The following MTA3 variants were observed in gnomAD, a reference collection of about 807,000 sequenced individuals.
The protein encoded by MTA3 is metastasis associated 1 family member 3, also known as metastasis-associated protein MTA3.
A neutral mutation model predicts 83.5 loss-of-function variants in MTA3; 34 were observed. The ratio of observed to expected loss-of-function variants is 0.41; its 90% CI spans 0.31 to 0.54. The LOEUF (loss-of-function observed/expected upper bound fraction) is 0.54. Among genes scored for constraint, MTA3 ranks in the 20% least tolerant of loss-of-function variants. MTA3 has a pLI of 0.33. For synonymous variants in MTA3, 303 were observed against 252.7 expected, an observed-to-expected ratio of 1.20 and a Z score of -1.89; for missense variants, 761 against 726.4, an observed-to-expected ratio of 1.05 and a Z score of -0.55.
At chr2:42,673,866 C>G (rs1482999888) in intron 8 of MTA3, among the ~76,000 whole-genome samples, 1 of 152,208 alleles carries the variant, frequency 6.6e-6, no homozygotes, top group Non-Finnish European at 1.5e-5. Flanking sequence ...AGATCAGCAG[C>G]TGAGGACTGT....
intron 2 of MTA3, among the ~76,000 whole-genome samples, chr2:42,540,916 C>T (rs1676490365): frequency 6.6e-6 from 1 of 151,866 alleles, no homozygotes; most frequent in African/African-American, 2.4e-5. Flanking sequence ...GTAAACAATT[C>T]AATGCACGAA....
At chr2:42,599,171 C>T (rs549478469) in intron 3 of MTA3, among the ~76,000 whole-genome samples, 1 of 152,256 alleles carries the variant, frequency 6.6e-6, no homozygotes, top group African/African-American at 2.4e-5. Context: ...AGTGTTGCAT[C>T]GTGTCCATGT....
In MTA3 at chr2:42,719,019, T is replaced by C. The variant is rs202083368; in HGVS notation, c.1557T>C (p.Ser519=). 1.5e-5 allele frequency: 24 copies of C among 1,550,350 alleles called. No homozygotes were observed. The highest frequency in any genetic ancestry group is 3.9e-5 in the Admixed American group (2 of 50,988). ...ACAGACATGCTGAACTATCTGGAAG[T>C]CCACTGAAAAGCAAAAGCACTAGGA... ...YADRHAELSG[S]PLKSKSTRKP... is the part of the protein sequence containing the mutation. Residue 519 remains serine (S), a synonymous_variant, in exon 15 of 17, where the codon AGT becomes AGC. Coordinates refer to ENST00000405094, the MANE Select transcript of MTA3 (RefSeq NM_001330442.2).
intron 2 of MTA3, among the ~76,000 whole-genome samples, chr2:42,525,603 T>TTCCTTCC (rs368874061): frequency 7.3e-5 from 7 of 95,422 alleles, no homozygotes; most frequent in African/African-American, 2.7e-4. Context: ...CCTTCCTTCC[T>TTCCTTCC]TTCCTTCCTT....
At chr2:42,597,927 C>T (rs1573154881) in intron 3 of MTA3, among the ~76,000 whole-genome samples, 1 of 152,026 alleles carries the variant, frequency 6.6e-6, no homozygotes, top group African/African-American at 2.4e-5. Flanking sequence ...AGCGATCTGC[C>T]CACTTTAGCC....
chr2:42,622,098 A>C (rs1204142000), intron 4 of MTA3, among the ~76,000 whole-genome samples: 2 of 152,110 alleles, frequency 1.3e-5, no homozygotes, highest in East Asian at 1.9e-4. Flanking sequence ...ACGCCACTGC[A>C]CTCCAGCCTG....
intron 2 of MTA3, among the ~76,000 whole-genome samples, chr2:42,527,547 G>T (rs752342758): frequency 6.6e-6 from 1 of 152,142 alleles, no homozygotes; most frequent in Non-Finnish European, 1.5e-5. Flanking sequence ...TATTCTAGGG[G>T]TGGAGGGAGA....
chr2:42,577,135 A>AAT (rs1193903532), intron 2 of MTA3, among the ~76,000 whole-genome samples: 13 of 93,984 alleles, frequency 1.4e-4, no homozygotes, highest in African/African-American at 5.7e-4. Context: ...TATATATATA[A>AAT]AAATGAACTC....
At chr2:42,659,983 G>A (rs556272474) in intron 8 of MTA3, 121 bp downstream of exon 8, 4 of 549,164 alleles carry the variant, frequency 7.3e-6, no homozygotes, top group Non-Finnish European at 1.2e-5. Context: ...TGACTGCTAG[G>A]TTGATTTGGC....
Position 42,648,277 on chromosome 2 carries a change from T to G in MTA3, c.499+4033T>G, listed in dbSNP as rs550268484. ...CTCCCATATGTAGCTAGTACCTGAT[T>G]GCAGGGAAGTTAAATAGTAGGACAT... On this transcript the variant is annotated intron_variant, in intron 6 of 16. Coordinates refer to ENST00000405094, the MANE Select transcript of MTA3 (RefSeq NM_001330442.2). Among the ~76,000 whole-genome samples the G allele has an allele frequency of 3.9e-5, 6 of 152,242 alleles. No homozygotes were observed. The East Asian group carries it at 1.2e-3, about 29-fold the overall frequency.
At chr2:42,607,860 A>G (rs948116584) in intron 3 of MTA3, among the ~76,000 whole-genome samples, 4 of 152,184 alleles carry the variant, frequency 2.6e-5, no homozygotes, top group Non-Finnish European at 4.4e-5. Context: ...CTGAGGCAGG[A>G]GAATCACTTG....
intron 8 of MTA3, among the ~76,000 whole-genome samples, chr2:42,680,787 T>A (rs1691817091): frequency 6.6e-6 from 1 of 152,228 alleles, no homozygotes; most frequent in Non-Finnish European, 1.5e-5. Flanking sequence ...GGCATCACTC[T>A]GTTGCCCAGG....
chr2:42,521,154 A>C (rs1447190069), intron 2 of MTA3, among the ~76,000 whole-genome samples: 1 of 152,210 alleles, frequency 6.6e-6, no homozygotes, highest in Non-Finnish European at 1.5e-5. Context: ...ATTTGGTTAC[A>C]AAAGCCTGTG....
intron 6 of MTA3, among the ~76,000 whole-genome samples, chr2:42,648,118 G>A (rs1368189718): frequency 6.6e-6 from 1 of 152,222 alleles, no homozygotes; most frequent in Non-Finnish European, 1.5e-5. Flanking sequence ...TGGGATTACA[G>A]GCATGAGCCT....
chr2:42,659,816 C>G lies in MTA3; in HGVS notation c.656C>G (p.Pro219Arg), dbSNP rs745793781. 3.7e-6 allele frequency: 6 copies of G among 1,608,496 alleles called. No homozygotes were observed. Among genetic ancestry groups the G allele is most frequent in the Non-Finnish European group, 5.1e-6 (6 of 1,177,432 alleles). Residue 219 changes from proline (P) to arginine (R), a missense_variant, in exon 8 of 17, where the codon CCT (proline) becomes CGT (arginine). Pro to Arg is a moderately radical substitution (Grantham distance 103). Transcript: ENST00000405094. ...GATTGCAGCAGTTCTGTGAGGCAGC[C>G]TAGTTTGCATATGAGTGCTGCTGCA... ...ALDCSSSVRQ[P>R]SLHMSAAAAS...
rs189213653 is a variant in MTA3, at chr2:42,725,991, T to C, written c.1759+2956T>C. 8.3e-4 allele frequency among the ~76,000 whole-genome samples: 126 copies of C among 152,320 alleles called. No individual in the cohort carries two copies. In the Middle Eastern group the frequency reaches 0.014, roughly 16 times the overall value. ...GGGCCTGTTTCCTATGTCCACAGGG[T>C]ATAGGATCCTGATTAACCAGAGTTT... On this transcript the variant is annotated intron_variant, in intron 16 of 16. Transcript: ENST00000405094.
Position 42,606,764 on chromosome 2 carries a change from C to G in MTA3, c.191-2694C>G, listed in dbSNP as rs1316709806. Among the ~76,000 whole-genome samples, 7 of 151,604 alleles carry G rather than the reference C, an allele frequency of 4.6e-5. No homozygotes were observed. The South Asian group carries it at 1.5e-3, about 32-fold the overall frequency. ...TGTAGGTTGTAGTGAGCCGAGATCACGCCACTGCACCCCAGCCTGGGCACC... is the reference window on the plus strand; with the variant it reads ...TGTAGGTTGTAGTGAGCCGAGATCAGGCCACTGCACCCCAGCCTGGGCACC... On this transcript the variant is annotated intron_variant, in intron 3 of 16. Coordinates refer to ENST00000405094, the MANE Select transcript of MTA3 (RefSeq NM_001330442.2).
intron 14 of MTA3, among the ~76,000 whole-genome samples, chr2:42,714,345 C>T (rs1346678031): frequency 2.0e-5 from 3 of 151,484 alleles, no homozygotes; most frequent in African/African-American, 7.3e-5. Context: ...GTGTATTTGC[C>T]AAGCAGATTT....
chr2:42,542,848 C>T (rs1052774534), intron 2 of MTA3, among the ~76,000 whole-genome samples: 3 of 152,024 alleles, frequency 2.0e-5, no homozygotes, highest in Admixed American at 6.6e-5. Flanking sequence ...TGACCCACTG[C>T]ACCCAGCCCA....
Sources: gnomAD v4.1 joint callset for allele counts (sites outside exome capture counted in the v4.1 genomes callset) on GRCh38, gnomAD v4.1.1 for gene constraint, MANE v1.5 for transcripts, NCBI Gene and HGNC (gene_info 2026-07-23, HGNC 2026-07-21) for gene names.